RFX7: variants seen among roughly 807,000 people sequenced by gnomAD.
The protein encoded by RFX7 is regulatory factor X7, also known as DNA-binding protein RFX7.
In RFX7, 26 loss-of-function variants were observed where a neutral mutation model predicts 111.8. The observed-to-expected ratio is 0.23, with a 90% CI of 0.17 to 0.32. The LOEUF (loss-of-function observed/expected upper bound fraction) is 0.32, where lower values mean the gene tolerates loss of function less well. Ranked by LOEUF, RFX7 falls within the 10% of genes least tolerant of loss-of-function variation. RFX7 has a pLI of 1.00. For missense variants in RFX7, 1,573 were observed against 1,772.9 expected, an observed-to-expected ratio of 0.89 and a Z score of 2.02; for synonymous variants, 624 against 624.4, an observed-to-expected ratio of 1.00 and a Z score of 0.01.
chr15:56,109,282 G>C (rs1158138326), intron 5 of RFX7, among the ~76,000 whole-genome samples: 77 of 152,368 alleles, frequency 5.1e-4, no homozygotes, highest in Admixed American at 9.8e-4. Context: ...TCCTAACCGC[G>C]AGTGATCCGC....
At chr15:56,105,712 G>T (rs2041821588) in intron 5 of RFX7, among the ~76,000 whole-genome samples, 1 of 152,028 alleles carries the variant, frequency 6.6e-6, no homozygotes, top group East Asian at 1.9e-4. Context: ...AAGAAGTAAT[G>T]TTAAGTATCA....
intron 2 of RFX7, among the ~76,000 whole-genome samples, chr15:56,191,124 G>A (rs1307436499): frequency 6.6e-6 from 1 of 152,192 alleles, no homozygotes; most frequent in Non-Finnish European, 1.5e-5. Context: ...TCACTGGACA[G>A]AGGTAGGGAT....
intron 2 of RFX7, among the ~76,000 whole-genome samples, chr15:56,216,551 G>A (rs2043364691): frequency 6.6e-6 from 1 of 151,996 alleles, no homozygotes; most frequent in African/African-American, 2.4e-5. Context: ...ATACAAGTTT[G>A]CAAAGAAACC....
At position 56,096,084 on chromosome 15, in the gene RFX7, A is replaced by G. The variant is rs1447033068; in HGVS notation, c.1644T>C (p.His548=). ...CAGAGTTCTCTTGGCACTGTACAGGATGCTCATCTGATGATGTTTCGGGTT... is the reference window on the plus strand; with the variant it reads ...CAGAGTTCTCTTGGCACTGTACAGGGTGCTCATCTGATGATGTTTCGGGTT... The part of the protein sequence containing the change: ...KVEPETSSDE[H]PVQCQENSDE... The change falls in exon 10 of 10, where the codon CAT becomes CAC. Residue 548 remains histidine (H), a synonymous_variant. Coordinates refer to ENST00000559447, the MANE Select transcript of RFX7 (RefSeq NM_022841.7). 6.2e-7 allele frequency: 1 copy of G among 1,613,482 alleles called. No homozygotes were observed. Among genetic ancestry groups the G allele is most frequent in the Non-Finnish European group, 8.5e-7 (1 of 1,179,778 alleles).
At position 56,142,811 on chromosome 15, in the gene RFX7, G is replaced by A. The variant is rs1208940547; in HGVS notation, c.368C>T (p.Ser123Leu). The A allele has an allele frequency of 6.2e-7, 1 of 1,613,376 alleles. No individual in the cohort carries two copies. The highest frequency in any genetic ancestry group is 1.7e-5 in the Admixed American group (1 of 59,876). Residue 123 changes from serine (S) to leucine (L), a missense_variant, in exon 5 of 10, where the codon TCA (serine) becomes TTA (leucine). Coordinates refer to ENST00000559447, the MANE Select transcript of RFX7 (RefSeq NM_022841.7). ...RNTLEEHPET[S>L]LPKQEVYDEY... is the part of the protein sequence containing the mutation. ...ATCATAGACTTCCTGTTTGGGCAGT[G>A]AAGTCTCCGGATGTTCCTCTAGGGT...
intron 2 of RFX7, 23 bp downstream of exon 2, chr15:56,243,102 C>G: frequency 7.4e-7 from 1 of 1,358,912 alleles, no homozygotes; most frequent in Non-Finnish European, 9.8e-7. Flanking sequence ...CTTTTTCACG[C>G]GAGCGATGGA....
chr15:56,169,453 C>G (rs2042818299), intron 3 of RFX7, among the ~76,000 whole-genome samples: 1 of 152,222 alleles, frequency 6.6e-6, no homozygotes, highest in Non-Finnish European at 1.5e-5. Flanking sequence ...TGAATTTACA[C>G]ATATAACACC....
At chr15:56,125,424 C>T (rs897668392) in intron 5 of RFX7, among the ~76,000 whole-genome samples, 1 of 152,124 alleles carries the variant, frequency 6.6e-6, no homozygotes, top group Admixed American at 6.5e-5. Flanking sequence ...TGCATTCAAT[C>T]TGTAGACTGC....
intron 5 of RFX7, among the ~76,000 whole-genome samples, chr15:56,136,454 G>C (rs1424527095): frequency 7.1e-6 from 1 of 140,274 alleles, no homozygotes; most frequent in African/African-American, 2.7e-5. Flanking sequence ...TGTGATTTTT[G>C]TACATTGATT....
At chr15:56,110,273 G>T (rs1405278096) in intron 5 of RFX7, among the ~76,000 whole-genome samples, 5 of 109,272 alleles carry the variant, frequency 4.6e-5, no homozygotes, top group African/African-American at 6.9e-5. Flanking sequence ...AGGTGGGGGG[G>T]GGTCAGCCCC....
chr15:56,137,482 T>G (rs1400032141), intron 5 of RFX7, among the ~76,000 whole-genome samples: 2 of 152,224 alleles, frequency 1.3e-5, no homozygotes, highest in Admixed American at 1.3e-4. Context: ...CATTTTTTAT[T>G]GCATCTATTC....
Position 56,172,676 on chromosome 15 carries a change from T to C in RFX7, c.195+6594A>G, listed in dbSNP as rs1038411326. On this transcript the variant is annotated intron_variant, in intron 3 of 9. Coordinates refer to ENST00000559447, the MANE Select transcript of RFX7 (RefSeq NM_022841.7). ...TACCACAAGGCAACTTCCTATTTTCTCAGAGAAGTAGAAGGCAAGATCATT... is the reference window on the plus strand; with the variant it reads ...TACCACAAGGCAACTTCCTATTTTCCCAGAGAAGTAGAAGGCAAGATCATT... Among the ~76,000 whole-genome samples, 21 of 152,110 alleles carry C rather than the reference T, an allele frequency of 1.4e-4. 1 individual carries two copies. Among genetic ancestry groups the C allele is most frequent in the Non-Finnish European group, 1.5e-5 (1 of 68,024 alleles).
rs1225127911 is a variant in RFX7, at chr15:56,134,631, T to A, written c.401+8147A>T. Among the ~76,000 whole-genome samples the A allele has an allele frequency of 1.1e-4, 10 of 92,414 alleles. 1 individual carries two copies. The highest frequency in any genetic ancestry group is 1.0e-3 in the South Asian group (3 of 2,894). 60.6% of individuals were successfully genotyped at this position (92,414 alleles called of 152,430 possible). On this transcript the variant is annotated intron_variant, in intron 5 of 9. Transcript: ENST00000559447. ...TTTTTTTACTTTCTTTTTTTTTTTT[T>A]ATTATACTTTAAGTTTTAGGGTACA...
chr15:56,107,037 C>T (rs1253331549), intron 5 of RFX7, among the ~76,000 whole-genome samples: 1 of 152,062 alleles, frequency 6.6e-6, no homozygotes. Flanking sequence ...TAATTTCACA[C>T]CCGTAATCCC....
chr15:56,175,653 C>T (rs1441263081), intron 3 of RFX7, among the ~76,000 whole-genome samples: 2 of 152,094 alleles, frequency 1.3e-5, no homozygotes, highest in African/African-American at 2.4e-5. Context: ...TACTGGACAA[C>T]TGGATATCCA....
chr15:56,101,807 A>C (rs2059946001), intron 7 of RFX7, among the ~76,000 whole-genome samples: 1 of 152,218 alleles, frequency 6.6e-6, no homozygotes, highest in African/African-American at 2.4e-5. Context: ...ACATACAAGA[A>C]GACTGATGTT....
intron 5 of RFX7, 22 bp from the exon 6 acceptor site, chr15:56,103,692 A>G (rs1291950194): frequency 7.2e-7 from 1 of 1,396,768 alleles, no homozygotes; most frequent in East Asian, 2.4e-5. Flanking sequence ...GGAAGGACCA[A>G]TTTAGAGTGA....
At chr15:56,227,873 C>T (rs149317499) in intron 2 of RFX7, among the ~76,000 whole-genome samples, 1 of 152,184 alleles carries the variant, frequency 6.6e-6, no homozygotes, top group Admixed American at 6.5e-5. Flanking sequence ...GACCTCTTCA[C>T]ATTTTGTGCA....
chr15:56,225,704 C>G (rs575390213), intron 2 of RFX7, among the ~76,000 whole-genome samples: 92 of 152,248 alleles, frequency 6.0e-4, no homozygotes, highest in African/African-American at 2.1e-3. Flanking sequence ...ATCTTTATAT[C>G]TGGAGACTAC....
Sources: gnomAD v4.1 joint callset for allele counts (sites outside exome capture counted in the v4.1 genomes callset) on GRCh38, gnomAD v4.1.1 for gene constraint, MANE v1.5 for transcripts, NCBI Gene and HGNC (gene_info 2026-07-23, HGNC 2026-07-21) for gene names.